LMTK2: variants seen among roughly 807,000 people sequenced by gnomAD.
The protein encoded by LMTK2 is lemur tail kinase 2.
In LMTK2, 37 loss-of-function variants were observed where a neutral mutation model predicts 127.5. The observed-to-expected ratio is 0.29, with a 90% CI of 0.22 to 0.38. The LOEUF (loss-of-function observed/expected upper bound fraction) is 0.38, where lower values mean the gene tolerates loss of function less well. Ranked by LOEUF, LMTK2 falls within the 10% of genes least tolerant of loss-of-function variation. The probability of loss-of-function intolerance (pLI) is 1.00; values close to 1 mark genes in which losing one functional copy is unlikely to be tolerated. For missense variants in LMTK2, 1,694 were observed against 1,920.3 expected (o/e 0.88, Z 2.20); for synonymous variants, 819 against 810.1 (o/e 1.01, Z -0.19).
intron 7 of LMTK2, among the ~76,000 whole-genome samples, chr7:98,178,216 T>C (rs955657095): frequency 6.6e-6 from 1 of 152,228 alleles, no homozygotes; most frequent in Non-Finnish European, 1.5e-5. Context: ...CTGTGAACTC[T>C]TCTTATCAGG....
intron 1 of LMTK2, among the ~76,000 whole-genome samples, chr7:98,115,231 A>G (rs1016810902): frequency 6.6e-6 from 1 of 151,994 alleles, no homozygotes; most frequent in African/African-American, 2.4e-5. Context: ...CCTGGACAAC[A>G]CGGAGAAACC....
Position 98,186,900 on chromosome 7 carries a change from TAAA to T in LMTK2, c.904_906del (p.Lys302del). 1 of 1,613,040 alleles carries T rather than the reference TAAA, an allele frequency of 6.2e-7. No individual in the cohort carries two copies. The highest frequency in any genetic ancestry group is 1.3e-5 in the African/African-American group (1 of 75,036). On this transcript the variant is annotated inframe_deletion, in exon 9 of 14. Coordinates refer to ENST00000297293, the MANE Select transcript of LMTK2 (RefSeq NM_014916.4). Reference sequence around the variant, plus strand: ...AGGAGGATTATATTGAAACAGATGATAAAAAAGTTTTCCCTCTGCGATGGACTG... The same window carrying T: ...AGGAGGATTATATTGAAACAGATGATAAAGTTTTCCCTCTGCGATGGACTG...
chr7:98,121,909 G>A (rs373719642), intron 1 of LMTK2, among the ~76,000 whole-genome samples: 8 of 152,106 alleles, frequency 5.3e-5, no homozygotes, highest in African/African-American at 1.7e-4. Context: ...AGAGGCTGAG[G>A]TGGGAGGATC....
At chr7:98,120,990 C>T (rs1260850625) in intron 1 of LMTK2, among the ~76,000 whole-genome samples, 1 of 152,164 alleles carries the variant, frequency 6.6e-6, no homozygotes, top group Non-Finnish European at 1.5e-5. Flanking sequence ...ACCGTATAGG[C>T]ACCCGGTAGA....
rs533223980 is a variant in LMTK2 at position 98,162,673 on chromosome 7, A to G, written c.657+3248A>G. Among the ~76,000 whole-genome samples, 9 of 152,312 alleles carry G rather than the reference A, an allele frequency of 5.9e-5. No individual in the cohort carries two copies. In the East Asian group the frequency reaches 1.7e-3, roughly 29 times the overall value. ...CTTGTTTAATTTAAGCGTCCCACCTAATGGTACATTGATCAATAAAATTTT... is the reference window on the plus strand; with the variant it reads ...CTTGTTTAATTTAAGCGTCCCACCTGATGGTACATTGATCAATAAAATTTT... On this transcript the variant is annotated intron_variant, in intron 6 of 13. Transcript: ENST00000297293.
At chr7:98,177,837 C>T (rs1320615372) in intron 7 of LMTK2, among the ~76,000 whole-genome samples, 1 of 152,232 alleles carries the variant, frequency 6.6e-6, no homozygotes, top group Non-Finnish European at 1.5e-5. Flanking sequence ...AGGGCAAACA[C>T]TGTCAAAACT....
At chr7:98,201,965 G>A (rs866263995) in intron 11 of LMTK2, among the ~76,000 whole-genome samples, 11 of 152,266 alleles carry the variant, frequency 7.2e-5, no homozygotes, top group South Asian at 4.1e-4. Flanking sequence ...CTGTAGTTTT[G>A]TATCTTTCAC....
intron 5 of LMTK2, among the ~76,000 whole-genome samples, chr7:98,155,100 T>C (rs1796909591): frequency 6.6e-6 from 1 of 152,194 alleles, no homozygotes; most frequent in South Asian, 2.1e-4. Flanking sequence ...CCAACACAGA[T>C]GACAGAGATG....
chr7:98,124,964 G>A (rs1230966362), intron 1 of LMTK2, among the ~76,000 whole-genome samples: 1 of 152,148 alleles, frequency 6.6e-6, no homozygotes, highest in African/African-American at 2.4e-5. Context: ...TGATTTAGTT[G>A]TAATATCAGA....
chr7:98,163,712 C>G (rs1193371730), intron 6 of LMTK2, among the ~76,000 whole-genome samples: 1 of 152,176 alleles, frequency 6.6e-6, no homozygotes, highest in Non-Finnish European at 1.5e-5. Flanking sequence ...ATGGGACACA[C>G]CAAAGTGTCT....
At chr7:98,159,553 G>A (rs1796982385) in intron 6 of LMTK2, 128 bp downstream of exon 6, 4 of 684,338 alleles carry the variant, frequency 5.8e-6, no homozygotes, top group Non-Finnish European at 1.0e-5. Flanking sequence ...TTTATGATGA[G>A]TTACTTTTAT....
At chr7:98,172,179 A>T (rs1415508054) in intron 7 of LMTK2, among the ~76,000 whole-genome samples, 1 of 152,002 alleles carries the variant, frequency 6.6e-6, no homozygotes, top group Non-Finnish European at 1.5e-5. Context: ...GTGTCATGGG[A>T]TCCGATCTGA....
At chr7:98,140,081 T>TTACTTACTTA (rs1562902435) in intron 2 of LMTK2, among the ~76,000 whole-genome samples, 1 of 110,474 alleles carries the variant, frequency 9.1e-6, no homozygotes, top group African/African-American at 4.1e-5. Context: ...TCCACAACTT[T>TTACTTACTTA]CTTTCTTTCT....
At chr7:98,202,741 G>T (rs1383655438) in intron 11 of LMTK2, among the ~76,000 whole-genome samples, 1 of 152,026 alleles carries the variant, frequency 6.6e-6, no homozygotes, top group African/African-American at 2.4e-5. Flanking sequence ...TTCAAAGCTT[G>T]GGTGTGTTCA....
intron 7 of LMTK2, among the ~76,000 whole-genome samples, chr7:98,174,325 A>G (rs1797244020): frequency 6.6e-6 from 1 of 152,202 alleles, no homozygotes; most frequent in Non-Finnish European, 1.5e-5. Flanking sequence ...CTCCATTTGG[A>G]AACTAATCTA....
chr7:98,131,262 C>T (rs1796516582), intron 1 of LMTK2, among the ~76,000 whole-genome samples: 1 of 152,148 alleles, frequency 6.6e-6, no homozygotes, highest in African/African-American at 2.4e-5. Flanking sequence ...TTCCAATAGC[C>T]TGAAATGTCA....
chr7:98,124,164 G>A (rs1796409424), intron 1 of LMTK2, among the ~76,000 whole-genome samples: 1 of 152,098 alleles, frequency 6.6e-6, no homozygotes, highest in Non-Finnish European at 1.5e-5. Context: ...GTTAATAAAT[G>A]GATTGGAGGT....
chr7:98,199,115 G>A (rs150665321), intron 11 of LMTK2, among the ~76,000 whole-genome samples: 1 of 152,184 alleles, frequency 6.6e-6, no homozygotes, highest in Non-Finnish European at 1.5e-5. Flanking sequence ...ATTTGTTAAG[G>A]TTTATCTTAG....
At position 98,174,557 on chromosome 7, in the gene LMTK2, C is replaced by T. The variant is rs1279666716; in HGVS notation, c.791+2883C>T. ...CTGCCAGTCTCCTGAGCAGCCTGTCCGTGAGATGCCACCAGGTCGCTGTGA... is the reference window on the plus strand; with the variant it reads ...CTGCCAGTCTCCTGAGCAGCCTGTCTGTGAGATGCCACCAGGTCGCTGTGA... On this transcript the variant is annotated intron_variant, in intron 7 of 13. Coordinates refer to ENST00000297293, the MANE Select transcript of LMTK2 (RefSeq NM_014916.4). Among the ~76,000 whole-genome samples, 4 of 152,184 alleles carry T rather than the reference C, an allele frequency of 2.6e-5. No homozygotes were observed. The East Asian group carries it at 7.7e-4, about 29-fold the overall frequency.
Sources: allele counts gnomAD v4.1 joint callset (sites outside exome capture counted in the v4.1 genomes callset), GRCh38; gene constraint gnomAD v4.1.1; transcripts MANE v1.5; gene names NCBI Gene and HGNC (gene_info 2026-07-23, HGNC 2026-07-21).